The following SPECC1 variants were observed in gnomAD, a reference collection of about 807,000 sequenced individuals.
The protein encoded by SPECC1 is cytospin-B.
SPECC1 carries 62 observed loss-of-function variants against 104.1 expected under a neutral mutation model. The ratio of observed to expected loss-of-function variants is 0.60; its 90% CI spans 0.49 to 0.74. The LOEUF is 0.74. Among genes scored for constraint, SPECC1 ranks in the 30% least tolerant of loss-of-function variants. SPECC1 has a pLI of 0.00. For missense variants in SPECC1, 1,306 were observed against 1,310.5 expected (o/e 1.00, Z 0.05); for synonymous variants, 513 against 501.6 (o/e 1.02, Z -0.30).
chr17:20,249,427 T>C (rs1425376758), intron 9 of SPECC1, among the ~76,000 whole-genome samples: 3 of 151,266 alleles, frequency 2.0e-5, no homozygotes, highest in Non-Finnish European at 4.4e-5. Context: ...TAAAATAAAA[T>C]AAAATAAAAC....
intron 7 of SPECC1, among the ~76,000 whole-genome samples, chr17:20,233,856 T>C (rs138428683): frequency 9.6e-4 from 147 of 152,376 alleles, no homozygotes; most frequent in African/African-American, 2.5e-3. Flanking sequence ...TTGTCTGTCA[T>C]TGGAAGAAAA....
chr17:20,046,406 T>G (rs1274100816), intron 1 of SPECC1, among the ~76,000 whole-genome samples: 4 of 152,226 alleles, frequency 2.6e-5, no homozygotes, highest in Admixed American at 2.6e-4. Flanking sequence ...GAACTGGTAC[T>G]ACTGCTAGTT....
chr17:20,218,788 T>C (rs916787374), intron 4 of SPECC1, among the ~76,000 whole-genome samples: 3 of 152,234 alleles, frequency 2.0e-5, no homozygotes, highest in Non-Finnish European at 2.9e-5. Context: ...TAACCATCCC[T>C]GTTTCCACCC....
chr17:20,026,382 A>G (rs1319294733), intron 1 of SPECC1, among the ~76,000 whole-genome samples: 2 of 152,122 alleles, frequency 1.3e-5, no homozygotes, highest in Non-Finnish European at 2.9e-5. Context: ...AGTTATTGGT[A>G]ACTATACTCG....
chr17:20,207,367 T>A (rs888528320), intron 4 of SPECC1, among the ~76,000 whole-genome samples: 1 of 152,212 alleles, frequency 6.6e-6, no homozygotes. Context: ...CGGAAGTAAT[T>A]CCATTAGAGG....
chr17:20,142,827 C>CAA lies in SPECC1; in HGVS notation c.283+32277_283+32278dup, dbSNP rs35579592. 3.2e-3 allele frequency among the ~76,000 whole-genome samples: 451 copies of CAA among 142,276 alleles called. 3 individuals are homozygous for CAA. Among genetic ancestry groups the CAA allele is most frequent in the Non-Finnish European group, 3.6e-3 (238 of 65,534 alleles). The allele number at this position is 142,276 out of a possible 152,430, so 93.3% of individuals were successfully genotyped here. On this transcript the variant is annotated intron_variant, in intron 3 of 14. Coordinates refer to ENST00000395527, the MANE Select transcript of SPECC1 (RefSeq NM_001243439.2). The stretch of plus-strand genomic sequence containing the variant: ...TGACACAGTGAAAGCCTATCTTTAC[C>CAA]AAAAAAAAAAAAACCAACAAAAATT...
intron 1 of SPECC1, among the ~76,000 whole-genome samples, chr17:20,053,915 A>G (rs887142820): frequency 6.6e-6 from 1 of 152,246 alleles, no homozygotes; most frequent in Non-Finnish European, 1.5e-5. Context: ...ACACACCAGT[A>G]TATAACCAAT....
intron 1 of SPECC1, among the ~76,000 whole-genome samples, chr17:20,085,397 A>G (rs1360552428): frequency 6.6e-6 from 1 of 152,186 alleles, no homozygotes; most frequent in Non-Finnish European, 1.5e-5. Flanking sequence ...TCTGTCCCTC[A>G]CGCTGGAAAC....
At chr17:20,258,303 A>G (rs1346749789) in intron 11 of SPECC1, among the ~76,000 whole-genome samples, 3 of 152,208 alleles carry the variant, frequency 2.0e-5, no homozygotes, top group Non-Finnish European at 4.4e-5. Flanking sequence ...ATGTAAAGGA[A>G]TGGTTGGCAG....
chr17:20,035,850 T>C (rs78185688), intron 1 of SPECC1, among the ~76,000 whole-genome samples: 26 of 152,304 alleles, frequency 1.7e-4, no homozygotes, highest in Admixed American at 1.4e-3. Context: ...TTTTTTTTTT[T>C]GAGACGGAGT....
At chr17:20,037,138 G>A (rs997750968) in intron 1 of SPECC1, among the ~76,000 whole-genome samples, 3 of 152,000 alleles carry the variant, frequency 2.0e-5, no homozygotes, top group Non-Finnish European at 4.4e-5. Flanking sequence ...CCAGACTTGC[G>A]TTTCTGGAAT....
chr17:20,048,588 G>A (rs1456402462), intron 1 of SPECC1, among the ~76,000 whole-genome samples: 3 of 152,012 alleles, frequency 2.0e-5, no homozygotes, highest in African/African-American at 4.8e-5. Context: ...TAATAGAAGG[G>A]GAGAGTAGAT....
chr17:20,293,753 G>A (rs2041248407), intron 12 of SPECC1, among the ~76,000 whole-genome samples: 1 of 152,324 alleles, frequency 6.6e-6, no homozygotes, highest in South Asian at 2.1e-4. Context: ...CTCTTGCAAG[G>A]CCCCTGCTTA....
chr17:20,241,115 C>T lies in SPECC1; in HGVS notation c.2352-4811C>T, dbSNP rs528438091. 3.0e-4 allele frequency among the ~76,000 whole-genome samples: 45 copies of T among 152,310 alleles called. 1 individual carries two copies. The highest frequency in any genetic ancestry group is 1.0e-3 in the African/African-American group (42 of 41,580). The stretch of plus-strand genomic sequence containing the variant: ...CATGACTTAAACGTGTTGGGAGGCT[C>T]TTGAAGGTACATTTGTATTACATAC... On this transcript the variant is annotated intron_variant, in intron 7 of 14. Transcript: ENST00000395527.
Position 20,211,427 on chromosome 17 carries a change from A to G in SPECC1, c.1863+5515A>G, listed in dbSNP as rs78184296. On this transcript the variant is annotated intron_variant, in intron 4 of 14. Coordinates refer to ENST00000395527, the MANE Select transcript of SPECC1 (RefSeq NM_001243439.2). ...GAGGCCTGTGGAGGCTGTTGGGGAG[A>G]GCCCCACAGCTGTTGCACCAGTAAG... Among the ~76,000 whole-genome samples the G allele has an allele frequency of 4.9e-3, 743 of 152,238 alleles. 6 individuals carry two copies. Among genetic ancestry groups the G allele is most frequent in the African/African-American group, 0.017 (706 of 41,544 alleles).
At chr17:20,313,443 G>GT (rs1169093324) in intron 14 of SPECC1, among the ~76,000 whole-genome samples, 1 of 152,224 alleles carries the variant, frequency 6.6e-6, no homozygotes, top group Non-Finnish European at 1.5e-5. Flanking sequence ...TGGTCACGAG[G>GT]TGAGCGTACA....
chr17:20,010,420 G>A (rs2043900879), intron 1 of SPECC1, among the ~76,000 whole-genome samples: 1 of 152,168 alleles, frequency 6.6e-6, no homozygotes, highest in South Asian at 2.1e-4. Context: ...GTTTTTGGAA[G>A]ATTCTGTTAT....
At chr17:20,253,403 T>C (rs2039703457) in intron 9 of SPECC1, 102 bp from the exon 10 acceptor site, 1 of 1,129,778 alleles carries the variant, frequency 8.9e-7, no homozygotes, top group Non-Finnish European at 1.3e-6. Context: ...CCACTGTGTT[T>C]AAGAACTGTT....
intron 13 of SPECC1, among the ~76,000 whole-genome samples, chr17:20,303,303 C>T (rs1248594780): frequency 2.0e-5 from 3 of 152,184 alleles, no homozygotes; most frequent in Non-Finnish European, 4.4e-5. Flanking sequence ...TCACAGCTCC[C>T]CTCTCAGCAG....
Sources: gnomAD v4.1 joint callset for allele counts (sites outside exome capture counted in the v4.1 genomes callset) on GRCh38, gnomAD v4.1.1 for gene constraint, MANE v1.5 for transcripts, NCBI Gene and HGNC (gene_info 2026-07-23, HGNC 2026-07-21) for gene names.